Variants in ZCWPW2 observed in about 807,000 individuals in gnomAD.
ZCWPW2 encodes the protein zinc finger CW-type PWWP domain protein 2.
ZCWPW2 carries 45 observed loss-of-function variants against 46.6 expected under a neutral mutation model. The ratio of observed to expected loss-of-function variants is 0.96; its 90% CI spans 0.76 to 1.24. ZCWPW2 has a LOEUF of 1.24. Ranked by LOEUF, ZCWPW2 falls within the 50% of genes most tolerant of loss-of-function variation. The pLI, the probability that ZCWPW2 is intolerant of heterozygous loss-of-function variation, is 0.00. For missense variants in ZCWPW2, 429 were observed against 403.9 expected (o/e 1.06, Z -0.53); for synonymous variants, 152 against 137.1 (o/e 1.11, Z -0.76).
intron 1 of ZCWPW2, among the ~76,000 whole-genome samples, chr3:28,387,135 A>C (rs1044608958): frequency 6.6e-6 from 1 of 152,168 alleles, no homozygotes; most frequent in East Asian, 1.9e-4. Context: ...TGTTACTTCA[A>C]TACTCAAACC....
chr3:28,449,598 G>T (rs1698144315), intron 4 of ZCWPW2, among the ~76,000 whole-genome samples: 1 of 152,056 alleles, frequency 6.6e-6, no homozygotes, highest in African/African-American at 2.4e-5. Flanking sequence ...GGAGATAGAG[G>T]GTGGTGATGA....
chr3:28,486,706 C>A (rs1699611243), intron 5 of ZCWPW2, among the ~76,000 whole-genome samples: 1 of 151,978 alleles, frequency 6.6e-6, no homozygotes, highest in Non-Finnish European at 1.5e-5. Context: ...GAGATTCCGT[C>A]TCTATAAAAA....
chr3:28,514,067 C>G lies in ZCWPW2; in HGVS notation c.661C>G (p.Gln221Glu). The change falls in exon 7 of 10, where the codon CAG becomes GAG. Residue 221 changes from glutamine to glutamate, a missense_variant. By Grantham distance (29) the Gln-to-Glu change is conservative (BLOSUM62 2). Coordinates refer to ENST00000383768, the MANE Select transcript of ZCWPW2 (RefSeq NM_001040432.4). ...TATTTTTGTTTTTGTGTTATAGAAGCAGACTTCTAAAAATAATATTGAAAA... is the reference window on the plus strand; with the variant it reads ...TATTTTTGTTTTTGTGTTATAGAAGGAGACTTCTAAAAATAATATTGAAAA... ...KVAALVKKRK[Q>E]TSKNNIEKKK... is the part of the protein sequence containing the mutation. 6.6e-7 allele frequency: 1 copy of G among 1,507,650 alleles called. No homozygotes were observed. The highest frequency in any genetic ancestry group is 9.1e-7 in the Non-Finnish European group (1 of 1,103,148). The allele number at this position is 1,507,650 out of a possible 1,614,324, so 93.4% of individuals were successfully genotyped here. A position where few individuals can be genotyped will look rare whatever the true frequency, so the allele number is the denominator to read the frequency against.
intron 6 of ZCWPW2, among the ~76,000 whole-genome samples, chr3:28,502,113 C>T (rs1048729875): frequency 2.1e-4 from 32 of 152,072 alleles, no homozygotes; most frequent in Non-Finnish European, 3.7e-4. Flanking sequence ...TTAAAACGCC[C>T]TTCCAGAGGG....
intron 4 of ZCWPW2, among the ~76,000 whole-genome samples, chr3:28,453,847 TTATTA>T (rs1559510857): frequency 6.4e-4 from 95 of 148,156 alleles, no homozygotes; most frequent in African/African-American, 2.1e-3. Flanking sequence ...ATTTTTTTTA[TTATTA>T]TTTTTTTTTT....
intron 2 of ZCWPW2, among the ~76,000 whole-genome samples, chr3:28,393,608 A>T (rs1295911809): frequency 6.6e-6 from 1 of 152,218 alleles, no homozygotes; most frequent in African/African-American, 2.4e-5. Context: ...AATGAAATTT[A>T]TCTTTGGGAT....
intron 5 of ZCWPW2, among the ~76,000 whole-genome samples, chr3:28,483,732 T>C (rs1699505809): frequency 6.6e-6 from 1 of 152,296 alleles, no homozygotes; most frequent in East Asian, 1.9e-4. Flanking sequence ...CTAATTCACT[T>C]TGAGGTTTGC....
intron 4 of ZCWPW2, among the ~76,000 whole-genome samples, chr3:28,449,182 C>G (rs1213242035): frequency 6.6e-6 from 1 of 152,078 alleles, no homozygotes; most frequent in Non-Finnish European, 1.5e-5. Context: ...ATTGGCTAGT[C>G]ACATGCAAAA....
chr3:28,457,144 T>C (rs1698458476), intron 4 of ZCWPW2, among the ~76,000 whole-genome samples: 1 of 152,172 alleles, frequency 6.6e-6, no homozygotes, highest in African/African-American at 2.4e-5. Context: ...AAATCCAGTA[T>C]CCCCAAATCC....
chr3:28,523,249 C>A (rs1229981692), intron 9 of ZCWPW2, among the ~76,000 whole-genome samples: 3 of 152,192 alleles, frequency 2.0e-5, no homozygotes, highest in Non-Finnish European at 4.4e-5. Flanking sequence ...GCACTCTGCA[C>A]CCTGAGCTTT....
chr3:28,505,326 A>G (rs1050785818), intron 6 of ZCWPW2, among the ~76,000 whole-genome samples: 1 of 152,308 alleles, frequency 6.6e-6, no homozygotes, highest in Admixed American at 6.5e-5. Context: ...GGTCTCTCAC[A>G]TTGTTCAAAT....
chr3:28,391,885 A>C (rs556491858), intron 2 of ZCWPW2, among the ~76,000 whole-genome samples: 1 of 152,210 alleles, frequency 6.6e-6, no homozygotes, highest in Admixed American at 6.5e-5. Context: ...CTAGAGAAAG[A>C]CAGGAAGAAA....
chr3:28,397,589 G>T (rs966588727), intron 2 of ZCWPW2, among the ~76,000 whole-genome samples: 5 of 152,094 alleles, frequency 3.3e-5, no homozygotes, highest in Non-Finnish European at 7.4e-5. Context: ...AGAATCACTT[G>T]AAGCCAAGAG....
At chr3:28,504,066 G>A (rs755349660) in intron 6 of ZCWPW2, among the ~76,000 whole-genome samples, 7 of 151,758 alleles carry the variant, frequency 4.6e-5, no homozygotes, top group Non-Finnish European at 8.8e-5. Context: ...GTGTGGTGGC[G>A]TGCATCTGTG....
intron 3 of ZCWPW2, among the ~76,000 whole-genome samples, 195 bp downstream of exon 3, chr3:28,413,595 T>C (rs894992268): frequency 9.2e-5 from 14 of 152,116 alleles, no homozygotes; most frequent in African/African-American, 3.4e-4. Context: ...TCGAATCTTA[T>C]TTTCCTCCCA....
intron 4 of ZCWPW2, among the ~76,000 whole-genome samples, chr3:28,463,072 A>T (rs985636749): frequency 6.6e-6 from 1 of 152,098 alleles, no homozygotes; most frequent in African/African-American, 2.4e-5. Flanking sequence ...TTAGTCTCAA[A>T]CCTCACTCTT....
intron 3 of ZCWPW2, among the ~76,000 whole-genome samples, chr3:28,423,771 G>A (rs1251461515): frequency 6.6e-6 from 1 of 152,082 alleles, no homozygotes; most frequent in Non-Finnish European, 1.5e-5. Context: ...AGTTTTGGCT[G>A]CTGTTCTTAG....
chr3:28,438,244 C>T (rs961512048), intron 4 of ZCWPW2, among the ~76,000 whole-genome samples: 1 of 152,224 alleles, frequency 6.6e-6, no homozygotes, highest in Non-Finnish European at 1.5e-5. Context: ...TAATCTCCCT[C>T]ATTTGTGCAA....
chr3:28,440,778 T>C lies in ZCWPW2; in HGVS notation c.492+5509T>C, dbSNP rs555352300. ...GTGGATAAGGCATTCTGTGAGTCGA[T>C]GGATGATAGTCTTGGCAGAAGCATT... On this transcript the variant is annotated intron_variant, in intron 4 of 9. Transcript: ENST00000383768. Among the ~76,000 whole-genome samples, 122 of 152,330 alleles carry C rather than the reference T, an allele frequency of 8.0e-4. No homozygotes were observed. In the South Asian group the frequency reaches 0.014, roughly 17 times the overall value.
Sources: gnomAD v4.1 joint callset for allele counts (sites outside exome capture counted in the v4.1 genomes callset) on GRCh38, gnomAD v4.1.1 for gene constraint, MANE v1.5 for transcripts, NCBI Gene and HGNC (gene_info 2026-07-23, HGNC 2026-07-21) for gene names.